The following FGF14 variants were observed in gnomAD, a reference collection of about 807,000 sequenced individuals.
FGF14 encodes the protein fibroblast growth factor 14, also known as fibroblast growth factor homologous factor 4.
Under a neutral mutation model 25.5 loss-of-function variants are expected in FGF14, and 5 were observed. The ratio of observed to expected loss-of-function variants is 0.20; its 90% CI spans 0.10 to 0.41. FGF14 has a LOEUF of 0.41. Among genes scored for constraint, FGF14 ranks in the 10% least tolerant of loss-of-function variants. FGF14 has a pLI of 1.00. For synonymous variants in FGF14, 138 were observed against 118.3 expected (o/e 1.17, Z -1.08); for missense variants, 222 against 320.1 (o/e 0.69, Z 2.34).
At position 101,974,196 on chromosome 13, in the gene FGF14, T is replaced by A. The variant is rs77305470; in HGVS notation, c.209-98900A>T. ...CTTGTAAAGTTTGAATTGTTACCAT[T>A]TGAAGATCCTCTCTACAGTCACACC... On this transcript the variant is annotated intron_variant, in intron 1 of 4. Coordinates refer to the FGF14 transcript ENST00000376131. Among the ~76,000 whole-genome samples, 1,184 of 152,290 alleles carry A rather than the reference T, an allele frequency of 7.8e-3. 21 individuals carry two copies. Among genetic ancestry groups the A allele is most frequent in the African/African-American group, 0.027 (1,126 of 41,558 alleles).
At chr13:102,365,095 G>A (rs970928787) in intron 1 of FGF14, among the ~76,000 whole-genome samples, 1 of 152,130 alleles carries the variant, frequency 6.6e-6, no homozygotes, top group African/African-American at 2.4e-5. Context: ...TAATTATTAA[G>A]CAGGACCATC....
Position 101,720,491 on chromosome 13 carries a change from G to C in FGF14, c.*2340C>G, listed in dbSNP as rs2034893934. On this transcript the variant is annotated 3_prime_UTR_variant, in exon 5 of 5. Transcript: ENST00000376143. Reference sequence around the variant, plus strand: ...CAGGGGAAAAAGAAACCAGCAAGTAGGGCTAATTATCAGTAACAAATAGAT... The same window carrying C: ...CAGGGGAAAAAGAAACCAGCAAGTACGGCTAATTATCAGTAACAAATAGAT... 6.6e-6 allele frequency: 1 copy of C among 151,474 alleles called. No individual in the cohort carries two copies. Among genetic ancestry groups the C allele is most frequent in the African/African-American group, 2.4e-5 (1 of 41,172 alleles). The allele number at this position is 151,474 out of a possible 1,614,324, so 9.4% of individuals were successfully genotyped here.
chr13:102,147,610 T>C (rs9557816), intron 1 of FGF14, among the ~76,000 whole-genome samples: 40,445 of 152,020 alleles, frequency 0.27, 5,420 homozygotes, highest in East Asian at 0.35. Context: ...ATGTCAAAAA[T>C]GTCATCAAAA....
In FGF14 at chr13:102,330,314, A is replaced by T. The variant is rs78806954; in HGVS notation, c.208+71157T>A. On this transcript the variant is annotated intron_variant, in intron 1 of 4. Transcript: ENST00000376131. ...CCTATCCGCTGCCTTCCTTCCTATTATTGTGAACCAATTTTCTCTGTTCTT... is the reference window on the plus strand; with the variant it reads ...CCTATCCGCTGCCTTCCTTCCTATTTTTGTGAACCAATTTTCTCTGTTCTT... 9.7e-3 allele frequency among the ~76,000 whole-genome samples: 1,478 copies of T among 152,246 alleles called. 9 individuals carry two copies. Among genetic ancestry groups the T allele is most frequent in the South Asian group, 0.018 (89 of 4,828 alleles).
At chr13:101,784,854 T>A (rs1447210437) in intron 3 of FGF14, among the ~76,000 whole-genome samples, 1 of 152,174 alleles carries the variant, frequency 6.6e-6, no homozygotes, top group African/African-American at 2.4e-5. Flanking sequence ...TATCACTGCA[T>A]ACGCAATCTA....
chr13:102,208,785 C>T (rs894409040), intron 1 of FGF14, among the ~76,000 whole-genome samples: 6 of 152,098 alleles, frequency 3.9e-5, no homozygotes, highest in African/African-American at 1.4e-4. Context: ...TAGTAAAAAT[C>T]CAAAGAGAGT....
chr13:102,013,942 G>C (rs16959594), intron 1 of FGF14, among the ~76,000 whole-genome samples: 13,080 of 152,114 alleles, frequency 0.086, 1,264 homozygotes, highest in African/African-American at 0.24. Flanking sequence ...GCACAAAGGA[G>C]GTCAAATGCT....
At chr13:102,151,023 G>C (rs1313660794) in intron 1 of FGF14, among the ~76,000 whole-genome samples, 1 of 152,128 alleles carries the variant, frequency 6.6e-6, no homozygotes, top group South Asian at 2.1e-4. Flanking sequence ...TGAAGATTAC[G>C]CTTTTTTAAA....
chr13:102,048,612 T>C (rs1248078409), intron 1 of FGF14, among the ~76,000 whole-genome samples: 1 of 152,188 alleles, frequency 6.6e-6, no homozygotes. Flanking sequence ...ATCTGGGCAA[T>C]ACTTAGTGCC....
At chr13:102,335,935 C>T (rs2056776502) in intron 1 of FGF14, among the ~76,000 whole-genome samples, 1 of 152,138 alleles carries the variant, frequency 6.6e-6, no homozygotes, top group South Asian at 2.1e-4. Context: ...AGACCGTGAA[C>T]TTCATTGATA....
At chr13:102,097,863 A>AG (rs2044474349) in intron 1 of FGF14, among the ~76,000 whole-genome samples, 1 of 152,208 alleles carries the variant, frequency 6.6e-6, no homozygotes, top group Non-Finnish European at 1.5e-5. Flanking sequence ...CTCCCTGCTG[A>AG]TATCTGTGAG....
chr13:102,090,262 T>G lies in FGF14; in HGVS notation c.209-214966A>C, dbSNP rs557067560. On this transcript the variant is annotated intron_variant, in intron 1 of 4. Transcript: ENST00000376131. ...GAATTTTTCAAGTAATCGATGGCAA[T>G]TAATTTGTCACATAATTGTACTACT... Among the ~76,000 whole-genome samples, 4 of 152,308 alleles carry G rather than the reference T, an allele frequency of 2.6e-5. No individual in the cohort carries two copies. The East Asian group carries it at 5.8e-4, about 22-fold the overall frequency.
intron 1 of FGF14, among the ~76,000 whole-genome samples, chr13:102,042,309 CATT>C (rs1036303799): frequency 1.3e-5 from 2 of 152,282 alleles, no homozygotes; most frequent in African/African-American, 4.8e-5. Flanking sequence ...AAATTCATAT[CATT>C]ATCAATAAAT....
At chr13:102,320,603 T>C (rs557331653) in intron 1 of FGF14, among the ~76,000 whole-genome samples, 19 of 152,296 alleles carry the variant, frequency 1.2e-4, no homozygotes, top group African/African-American at 4.3e-4. Context: ...GGATCTGGTT[T>C]GCTGGTTCAC....
chr13:102,275,559 T>C lies in FGF14; in HGVS notation c.208+125912A>G, dbSNP rs182489529. ...AGTATTCAGCCATAAAGGCATTCCA[T>C]TGGGAAATTACTTGCCAATAATCTC... On this transcript the variant is annotated intron_variant, in intron 1 of 4. Coordinates refer to the FGF14 transcript ENST00000376131. Among the ~76,000 whole-genome samples, 304 of 152,290 alleles carry C rather than the reference T, an allele frequency of 2.0e-3. 2 individuals carry two copies. The highest frequency in any genetic ancestry group is 6.7e-3 in the African/African-American group (280 of 41,576).
At chr13:102,347,588 A>T (rs1363986246) in intron 1 of FGF14, among the ~76,000 whole-genome samples, 1 of 152,170 alleles carries the variant, frequency 6.6e-6, no homozygotes, top group Admixed American at 6.5e-5. Context: ...GCCCTCTCGC[A>T]CTTTTGCATA....
intron 1 of FGF14, among the ~76,000 whole-genome samples, chr13:102,335,479 C>A (rs2138863099): frequency 6.6e-6 from 1 of 151,872 alleles, no homozygotes; most frequent in Admixed American, 6.6e-5. Flanking sequence ...CAGACACAAC[C>A]CAAACCCCAT....
chr13:102,206,447 G>A (rs563457338), intron 1 of FGF14, among the ~76,000 whole-genome samples: 10 of 152,318 alleles, frequency 6.6e-5, no homozygotes, highest in African/African-American at 2.2e-4. Context: ...TTGGGAGGCT[G>A]AGGCGGGCAG....
intron 1 of FGF14, among the ~76,000 whole-genome samples, chr13:102,270,645 A>G (rs1841910800): frequency 6.6e-6 from 1 of 152,216 alleles, no homozygotes. Context: ...GTAAGTGAGC[A>G]TAAATATATA....
Sources: allele counts gnomAD v4.1 joint callset (sites outside exome capture counted in the v4.1 genomes callset), GRCh38; gene constraint gnomAD v4.1.1; transcripts MANE v1.5; gene names NCBI Gene and HGNC (gene_info 2026-07-23, HGNC 2026-07-21).